PTPRB: variants seen among roughly 807,000 people sequenced by gnomAD.
The protein encoded by PTPRB is receptor-type tyrosine-protein phosphatase beta.
A neutral mutation model predicts 238.1 loss-of-function variants in PTPRB; 97 were observed. That is an observed-to-expected ratio of 0.41 (90% CI 0.35 to 0.48). The LOEUF (loss-of-function observed/expected upper bound fraction) is 0.48, where lower values mean the gene tolerates loss of function less well. Among genes scored for constraint, PTPRB ranks in the 20% least tolerant of loss-of-function variants. The pLI is 0.30. For missense variants in PTPRB, 2,292 were observed against 2,681.9 expected, an observed-to-expected ratio of 0.85 and a Z score of 3.21; for synonymous variants, 970 against 995.4, an observed-to-expected ratio of 0.97 and a Z score of 0.48.
In PTPRB at chr12:70,609,086, G is replaced by A. The variant is rs1284676938; in HGVS notation, c.962C>T (p.Thr321Ile). 6.2e-7 allele frequency: 1 copy of A among 1,613,874 alleles called. No homozygotes were observed. The highest frequency in any genetic ancestry group is 1.3e-5 in the African/African-American group (1 of 74,922). ...TCCTTTACCTGTTTGCAAGACCACT[G>A]TTCTCTCTTCATCCAGAGAAATAAT... ...FRIISLDEER[T>I]VVLQTDPLPP... Residue 321 changes from threonine (T) to isoleucine (I), a missense_variant, in exon 4 of 34, where the codon ACA (threonine) becomes ATA (isoleucine). Thr to Ile is a moderately conservative substitution (Grantham distance 89, BLOSUM62 -1). Transcript: ENST00000334414.
chr12:70,556,608 T>G (rs926205115), intron 18 of PTPRB, among the ~76,000 whole-genome samples: 2 of 152,032 alleles, frequency 1.3e-5, no homozygotes, highest in Non-Finnish European at 2.9e-5. Context: ...GAAACAAGAA[T>G]GACTAAGAAT....
chr12:70,524,841 G>C (rs977582978), intron 32 of PTPRB, among the ~76,000 whole-genome samples: 1 of 144,028 alleles, frequency 6.9e-6, no homozygotes, highest in Non-Finnish European at 1.5e-5. Flanking sequence ...GCATATATGT[G>C]TGTATATATG....
chr12:70,603,551 A>G (rs1226809921), intron 4 of PTPRB, among the ~76,000 whole-genome samples: 1 of 148,054 alleles, frequency 6.8e-6, no homozygotes, highest in Non-Finnish European at 1.5e-5. Context: ...AGTAAACCAG[A>G]GTTCAAGTTC....
chr12:70,553,104 G>T (rs1877145887), intron 20 of PTPRB, 84 bp from the exon 21 acceptor site: 2 of 1,452,250 alleles, frequency 1.4e-6, no homozygotes, highest in South Asian at 2.7e-5. Context: ...TTCTAAGGCT[G>T]CCTCCACATC....
chr12:70,596,354 C>CACA lies in PTPRB; in HGVS notation c.980-28_980-27insTGT, dbSNP rs1555234329. 4.6e-4 allele frequency: 519 copies of CACA among 1,121,390 alleles called. No homozygotes were observed. The East Asian group carries it at 0.012, about 26-fold the overall frequency. The allele number at this position is 1,121,390 out of a possible 1,614,324, so 69.5% of individuals were successfully genotyped here. A position where few individuals can be genotyped will look rare whatever the true frequency, so the allele number is the denominator to read the frequency against. ...TGCAAGGCAAATACACACACACACA[C>CACA]AAAAAAAAAAAAGAAAGAAAAAGAA... is the stretch of plus-strand genomic sequence containing the variant. On this transcript the variant is annotated intron_variant, in intron 4 of 33. Transcript: ENST00000334414.
At chr12:70,578,144 G>C (rs1880992598) in intron 10 of PTPRB, among the ~76,000 whole-genome samples, 2 of 152,116 alleles carry the variant, frequency 1.3e-5, no homozygotes, top group Admixed American at 6.5e-5. Context: ...CATTTTCCCA[G>C]ATTAGAATTA....
intron 2 of PTPRB, among the ~76,000 whole-genome samples, chr12:70,631,542 C>G (rs981883768): frequency 6.6e-6 from 1 of 152,110 alleles, no homozygotes; most frequent in Non-Finnish European, 1.5e-5. Flanking sequence ...GACTAAAACA[C>G]CAAAAGCAAT....
chr12:70,572,046 T>C lies in PTPRB; in HGVS notation c.2884A>G (p.Arg962Gly). 5 of 1,613,642 alleles carry C rather than the reference T, an allele frequency of 3.1e-6. No individual in the cohort carries two copies. Among genetic ancestry groups the C allele is most frequent in the Non-Finnish European group, 1.7e-6 (2 of 1,179,580 alleles). Reference sequence around the variant, plus strand: ...CAGGATACCCTTAAATAGTCACTCCTGGCTGAGTTGCTAACACTGACTCCC... The same window carrying C: ...CAGGATACCCTTAAATAGTCACTCCCGGCTGAGTTGCTAACACTGACTCCC... ...VQGVSVSNSA[R>G]SDYLRVSWVH... The change falls in exon 12 of 34, where the codon AGG becomes GGG. Residue 962 changes from arginine (R) to glycine (G), a missense_variant. Arg to Gly is a moderately radical substitution (Grantham distance 125). Transcript: ENST00000334414.
At chr12:70,582,644 C>T (rs1403541029) in intron 9 of PTPRB, among the ~76,000 whole-genome samples, 1 of 152,084 alleles carries the variant, frequency 6.6e-6, no homozygotes, top group African/African-American at 2.4e-5. Flanking sequence ...CTATATCTCA[C>T]ATCATATATA....
At chr12:70,579,453 C>T (rs1881132692) in intron 10 of PTPRB, among the ~76,000 whole-genome samples, 1 of 152,122 alleles carries the variant, frequency 6.6e-6, no homozygotes, top group Admixed American at 6.5e-5. Context: ...GATCCCAGCC[C>T]TTTGGGAGGC....
intron 8 of PTPRB, 130 bp from the exon 9 acceptor site, chr12:70,587,397 G>A (rs940121173): frequency 3.6e-6 from 4 of 1,113,010 alleles, no homozygotes; most frequent in African/African-American, 1.6e-5. Context: ...ATGTCTCTGA[G>A]CATTAAAACA....
At chr12:70,555,822 T>C in intron 19 of PTPRB, 48 bp downstream of exon 19, 1 of 1,595,544 alleles carries the variant, frequency 6.3e-7, no homozygotes, top group Non-Finnish European at 8.5e-7. Context: ...GCACAGCCCC[T>C]TCACTCCAGT....
chr12:70,578,214 G>C (rs1002202553), intron 10 of PTPRB, among the ~76,000 whole-genome samples: 4 of 152,078 alleles, frequency 2.6e-5, no homozygotes, highest in Non-Finnish European at 5.9e-5. Context: ...TATCTGGGCT[G>C]GGAGGGTTTA....
At chr12:70,624,447 C>T (rs912428452) in intron 2 of PTPRB, among the ~76,000 whole-genome samples, 7 of 152,074 alleles carry the variant, frequency 4.6e-5, no homozygotes, top group South Asian at 2.1e-4. Context: ...TTAGCCACTC[C>T]GGACATAGAT....
rs1874074324 is a variant in PTPRB at position 70,536,022 on chromosome 12, C to T, written c.6081+3G>A. 1.9e-6 allele frequency: 3 copies of T among 1,612,566 alleles called. No homozygotes were observed. The highest frequency in any genetic ancestry group is 1.9e-4 in the Middle Eastern group (1 of 5,382). On this transcript the variant is annotated splice_donor_region_variant and intron_variant, in intron 29 of 33. Coordinates refer to ENST00000334414, the MANE Select transcript of PTPRB (RefSeq NM_001109754.4). ...TTTGATGCCAGGAAGGCTGTTTACTCACTCGGCCCTTCTCAACACACTGGG... is the reference window on the plus strand; with the variant it reads ...TTTGATGCCAGGAAGGCTGTTTACTTACTCGGCCCTTCTCAACACACTGGG...
At chr12:70,585,711 T>C (rs1287495281) in intron 9 of PTPRB, among the ~76,000 whole-genome samples, 4 of 152,062 alleles carry the variant, frequency 2.6e-5, no homozygotes, top group South Asian at 2.1e-4. Flanking sequence ...TTTTGTTACA[T>C]AGGTATACAT....
chr12:70,534,484 G>C lies in PTPRB; in HGVS notation c.6368+4C>G, dbSNP rs1185757956. ...ATTTTATTGGCTGCTAGGTTTCCTA[G>C]TACCTGCAGTGCACCACAGTGGGCC... On this transcript the variant is annotated splice_donor_region_variant and intron_variant, in intron 31 of 33. Coordinates refer to ENST00000334414, the MANE Select transcript of PTPRB (RefSeq NM_001109754.4). The C allele has an allele frequency of 6.2e-7, 1 of 1,611,228 alleles. No individual in the cohort carries two copies. Among genetic ancestry groups the C allele is most frequent in the East Asian group, 2.2e-5 (1 of 44,854 alleles).
chr12:70,534,340 G>T (rs763340487), intron 31 of PTPRB, 148 bp downstream of exon 31: 191 of 822,064 alleles, frequency 2.3e-4, no homozygotes, highest in Admixed American at 1.3e-3. Context: ...GGGGAGGAAC[G>T]TTATAAAACC....
intron 3 of PTPRB, among the ~76,000 whole-genome samples, chr12:70,614,066 TAGAAC>T (rs534548372): frequency 1.4e-3 from 219 of 152,290 alleles, no homozygotes; most frequent in Admixed American, 4.3e-3. Flanking sequence ...CAGTACCCGT[TAGAAC>T]AGTGGTTCTC....
Sources: allele counts gnomAD v4.1 joint callset (sites outside exome capture counted in the v4.1 genomes callset), GRCh38; gene constraint gnomAD v4.1.1; transcripts MANE v1.5; gene names NCBI Gene and HGNC (gene_info 2026-07-23, HGNC 2026-07-21).